The following TRIM66 variants were observed in gnomAD, a reference collection of about 807,000 sequenced individuals.
TRIM66 encodes tripartite motif containing 66.
TRIM66 carries 99 observed loss-of-function variants against 148.2 expected under a neutral mutation model. That is an observed-to-expected ratio of 0.67 (90% CI 0.57 to 0.79). TRIM66 has a LOEUF of 0.79. TRIM66 is among the 30% of genes least tolerant of loss of function. The pLI, the probability that TRIM66 is intolerant of heterozygous loss-of-function variation, is 0.00. For synonymous variants in TRIM66, 616 were observed against 635.9 expected, an observed-to-expected ratio of 0.97 and a Z score of 0.47; for missense variants, 1,666 against 1,697.9, an observed-to-expected ratio of 0.98 and a Z score of 0.33.
At chr11:8,619,048 A>T in intron 23 of TRIM66, 80 bp from the exon 24 acceptor site, 1 of 1,315,438 alleles carries the variant, frequency 7.6e-7, no homozygotes, top group Non-Finnish European at 1.1e-6. Flanking sequence ...AGCTACACAG[A>T]GCACAAAGCC....
chr11:8,682,589 A>G lies in TRIM66; in HGVS notation c.-548+12T>C, dbSNP rs2039495451. 3.3e-6 allele frequency: 2 copies of G among 602,262 alleles called. No homozygotes were observed. Among genetic ancestry groups the G allele is most frequent in the Admixed American group, 5.9e-5 (2 of 34,094 alleles). The allele number at this position is 602,262 out of a possible 1,614,324, so 37.3% of individuals were successfully genotyped here. A position where few individuals can be genotyped will look rare whatever the true frequency, so the allele number is the denominator to read the frequency against. On this transcript the variant is annotated intron_variant, in intron 1 of 24. Transcript: ENST00000646038. ...AGTTCTCGCCCTCCGAGCCTAGCAC[A>G]ACGAGCCTCACCGAAACCGTACACC...
At chr11:8,621,920 T>A in intron 18 of TRIM66, 101 bp from the exon 19 acceptor site, 1 of 1,186,650 alleles carries the variant, frequency 8.4e-7, no homozygotes, top group Non-Finnish European at 1.1e-6. Context: ...TAATATTGAG[T>A]GTCAACTTGA....
At position 8,625,008 on chromosome 11, in the gene TRIM66, T is replaced by G. The variant is rs1219843378; in HGVS notation, c.2531A>C (p.His844Pro). 2 of 1,551,504 alleles carry G rather than the reference T, an allele frequency of 1.3e-6. No individual in the cohort carries two copies. Among genetic ancestry groups the G allele is most frequent in the African/African-American group, 2.7e-5 (2 of 73,022 alleles). The change falls in exon 16 of 25, where the codon CAC (histidine) becomes CCC (proline). Residue 844 changes from histidine to proline, a missense_variant. His to Pro is a moderately conservative substitution (Grantham distance 77). Coordinates refer to ENST00000646038, the MANE Select transcript of TRIM66 (RefSeq NM_001388022.1). ...CACAAGGCTGGGCACAGTCTGTAGG[T>G]GACTGGTTGTCAGGCTGGGCATGGC... Reference protein sequence around the residue: ...NQAMPSLTTSHLQTVPSLVHS... With the variant: ...NQAMPSLTTSPLQTVPSLVHS...
rs2037051707 is a variant in TRIM66 at position 8,648,346 on chromosome 11, T to C, written c.725+70A>G. 5 of 1,522,772 alleles carry C rather than the reference T, an allele frequency of 3.3e-6. No individual in the cohort carries two copies. The East Asian group carries it at 7.4e-5, about 22-fold the overall frequency. 94.3% of individuals were successfully genotyped at this position (1,522,772 alleles called of 1,614,324 possible). On this transcript the variant is annotated intron_variant, in intron 9 of 24. Transcript: ENST00000646038. ...GGAGAAGATTCTGATGCACGGGGAT[T>C]CCCAGAGCTCTCACAAGTAAGAAAT... is the stretch of plus-strand genomic sequence containing the variant.
intron 15 of TRIM66, among the ~76,000 whole-genome samples, chr11:8,626,924 A>AGAAG (rs1205752327): frequency 6.6e-5 from 10 of 152,280 alleles, no homozygotes; most frequent in African/African-American, 1.9e-4. Flanking sequence ...CACCCCCTTC[A>AGAAG]GATGGACTGC....
intron 6 of TRIM66, among the ~76,000 whole-genome samples, chr11:8,664,481 G>A (rs976671089): frequency 2.0e-5 from 3 of 152,128 alleles, no homozygotes; most frequent in Admixed American, 6.5e-5. Context: ...GTTAACCTTA[G>A]TCTATAAATA....
chr11:8,682,586 C>T lies in TRIM66; in HGVS notation c.-548+15G>A, dbSNP rs2039495152. 3.3e-6 allele frequency: 2 copies of T among 599,356 alleles called. No homozygotes were observed. The highest frequency in any genetic ancestry group is 5.8e-5 in the East Asian group (2 of 34,478). 37.1% of individuals were successfully genotyped at this position (599,356 alleles called of 1,614,324 possible). On this transcript the variant is annotated intron_variant, in intron 1 of 24. Transcript: ENST00000646038. ...AACAGTTCTCGCCCTCCGAGCCTAG[C>T]ACAACGAGCCTCACCGAAACCGTAC...
In TRIM66 at chr11:8,648,504, G is replaced by A. The variant is rs1214096561; in HGVS notation, c.637C>T (p.His213Tyr). ...PGDFTLYCPL[H>Y]TQEVLKLFCE... ...AATAGCTTGAGTACTTCCTGTGTGT[G>A]TAGAGGACAATACAAGGTGAAGTCT... The change falls in exon 9 of 25, where the codon CAC becomes TAC. Residue 213 changes from histidine (H) to tyrosine (Y), a missense_variant. Around this residue, in one of 3 missense-constraint regions of TRIM66, gnomAD observed 1,431 missense variants for 1,412.4 expected, o/e 1.01. Transcript: ENST00000646038. 1 of 1,551,734 alleles carries A rather than the reference G, an allele frequency of 6.4e-7. No individual in the cohort carries two copies. Among genetic ancestry groups the A allele is most frequent in the South Asian group, 1.2e-5 (1 of 84,058 alleles).
intron 15 of TRIM66, among the ~76,000 whole-genome samples, chr11:8,633,585 C>G (rs1440560283): frequency 6.6e-6 from 1 of 152,036 alleles, no homozygotes; most frequent in Non-Finnish European, 1.5e-5. Flanking sequence ...AGATGCTGAC[C>G]AGGACGCAGG....
chr11:8,680,340 C>T (rs891532475), intron 1 of TRIM66, among the ~76,000 whole-genome samples: 1 of 152,080 alleles, frequency 6.6e-6, no homozygotes, highest in Non-Finnish European at 1.5e-5. Flanking sequence ...GGAATACTAA[C>T]GTGGTGGAGG....
chr11:8,631,846 GCT>G (rs2035430613), intron 15 of TRIM66, among the ~76,000 whole-genome samples: 1 of 152,184 alleles, frequency 6.6e-6, no homozygotes. Flanking sequence ...TTTTGTGATG[GCT>G]GTTTTTGCTG....
chr11:8,657,161 A>T (rs2037900417), intron 6 of TRIM66, among the ~76,000 whole-genome samples: 1 of 152,176 alleles, frequency 6.6e-6, no homozygotes, highest in Non-Finnish European at 1.5e-5. Context: ...AGAAATCCCA[A>T]AGAGGTCTCA....
chr11:8,679,476 A>C (rs1385515666), intron 3 of TRIM66, 144 bp downstream of exon 3: 3 of 152,590 alleles, frequency 2.0e-5, no homozygotes, highest in African/African-American at 7.2e-5. Flanking sequence ...CTCTATAACC[A>C]AGGAACCTGG....
chr11:8,679,298 T>G (rs1365103369), intron 3 of TRIM66: 8 of 152,188 alleles, frequency 5.3e-5, no homozygotes, highest in African/African-American at 1.9e-4. Context: ...GGGAGCTGGA[T>G]AGAAAACTGG....
rs1168189228 is a variant in TRIM66, at chr11:8,625,121, G to A, written c.2418C>T (p.Asn806=). ...PLEPQIQSVS[N]LTAGAPQAVP... is the part of the protein sequence containing the mutation. ...CTGCCTGGGGGGCACCAGCTGTCAG[G>A]TTGCTCACACTCTGGATCTGTGGCT... Residue 806 remains asparagine (N), a synonymous_variant, in exon 16 of 25, where the codon AAC becomes AAT. Transcript: ENST00000646038. 1 of 1,551,656 alleles carries A rather than the reference G, an allele frequency of 6.4e-7. No homozygotes were observed. The highest frequency in any genetic ancestry group is 2.4e-5 in the East Asian group (1 of 40,916).
rs1215126433 is a variant in TRIM66, at chr11:8,638,717, G to C, written c.2247C>G (p.Thr749=). The part of the protein sequence containing the change: ...AALPQASGEE[T]PLSVPPVDST... ...TGTCCACTGGGGGGACACTGAGAGG[G>C]GTTTCTTCCCCAGACGCCTGGGGCA... Residue 749 remains threonine, a synonymous_variant, in exon 15 of 25, where the codon ACC becomes ACG. Transcript: ENST00000646038. 2 of 1,549,730 alleles carry C rather than the reference G, an allele frequency of 1.3e-6. No individual in the cohort carries two copies.
chr11:8,623,466 CAGAGTT>C (rs2034503511), intron 17 of TRIM66, among the ~76,000 whole-genome samples: 1 of 152,130 alleles, frequency 6.6e-6, no homozygotes, highest in Non-Finnish European at 1.5e-5. Flanking sequence ...GCATAAAATG[CAGAGTT>C]ACATTATTGT....
intron 6 of TRIM66, among the ~76,000 whole-genome samples, chr11:8,652,496 C>T (rs2037443878): frequency 1.3e-5 from 2 of 152,112 alleles, no homozygotes; most frequent in Admixed American, 1.3e-4. Context: ...GGCTCTCTCC[C>T]CATAGACCAA....
chr11:8,620,338 G>C, intron 21 of TRIM66, 108 bp downstream of exon 21: 1 of 1,482,202 alleles, frequency 6.7e-7, no homozygotes. Flanking sequence ...ATAGGACGAA[G>C]AAATGTATCC....
Sources: allele counts gnomAD v4.1 joint callset (sites outside exome capture counted in the v4.1 genomes callset), GRCh38; gene constraint gnomAD v4.1.1; regional missense constraint gnomAD v4.1.1; transcripts MANE v1.5; gene names NCBI Gene and HGNC (gene_info 2026-07-23, HGNC 2026-07-21).